The following ABCC2 variants were observed in gnomAD, a reference collection of about 807,000 sequenced individuals.
ABCC2 encodes the protein ATP binding cassette subfamily C member 2, also known as ATP-binding cassette sub-family C member 2.
A neutral mutation model predicts 173.4 loss-of-function variants in ABCC2; 157 were observed. The ratio of observed to expected loss-of-function variants is 0.91; its 90% CI spans 0.80 to 1.03. ABCC2 has a LOEUF of 1.03. Among genes scored for constraint, ABCC2 ranks in the 50% least tolerant of loss-of-function variants. The pLI, the probability that ABCC2 is intolerant of heterozygous loss-of-function variation, is 0.00. For missense variants in ABCC2, 1,822 were observed against 1,852.3 expected, an observed-to-expected ratio of 0.98 and a Z score of 0.30; for synonymous variants, 657 against 693.5, an observed-to-expected ratio of 0.95 and a Z score of 0.83.
At chr10:99,814,265 ATG>A (rs1564684147) in intron 16 of ABCC2, among the ~76,000 whole-genome samples, 818 of 30,072 alleles carry the variant, frequency 0.027, 46 homozygotes, top group Non-Finnish European at 0.036. Context: ...ATACACACGT[ATG>A]TATACACACG....
At chr10:99,839,430 T>C (rs1272961497) in intron 25 of ABCC2, among the ~76,000 whole-genome samples, 1 of 49,686 alleles carries the variant, frequency 2.0e-5, no homozygotes, top group African/African-American at 7.9e-5. Flanking sequence ...CCCCCCCACC[T>C]CCCTCCCGGA....
At chr10:99,834,319 A>G in intron 23 of ABCC2, 61 bp from the exon 24 acceptor site, 1 of 1,542,530 alleles carries the variant, frequency 6.5e-7, no homozygotes, top group Non-Finnish European at 8.9e-7. Context: ...AGAACTAGGA[A>G]GATGTAAACT....
In ABCC2 at chr10:99,797,305, A is replaced by C; in HGVS notation, c.841A>C (p.Ser281Arg). The change falls in exon 7 of 32, where the codon AGT (serine) becomes CGT (arginine). Residue 281 changes from serine to arginine, a missense_variant. By Grantham distance (110) the Ser-to-Arg change is moderately radical. Transcript: ENST00000647814. ...GCTGCCTGGCTTGAACAAGAATCAG[A>C]GTCAAAGCCAAGATGCCCTTGTCCT... ...ARLPGLNKNQSQSQDALVLED... is the reference protein window; with the variant it reads ...ARLPGLNKNQRQSQDALVLED... 6.2e-7 allele frequency: 1 copy of C among 1,613,540 alleles called. No homozygotes were observed. The highest frequency in any genetic ancestry group is 8.5e-7 in the Non-Finnish European group (1 of 1,179,806).
Position 99,813,295 on chromosome 10 carries a change from C to T in ABCC2, c.2094+151C>T, listed in dbSNP as rs2038249211. 3 of 1,135,886 alleles carry T rather than the reference C, an allele frequency of 2.6e-6. No homozygotes were observed. The African/African-American group carries it at 4.7e-5, about 18-fold the overall frequency. 70.4% of individuals were successfully genotyped at this position (1,135,886 alleles called of 1,614,324 possible). A position where few individuals can be genotyped will look rare whatever the true frequency, so the allele number is the denominator to read the frequency against. ...TGGACTGTGATTCTCCTTCCCATTT[C>T]AGCTTTATATAATCAGTTGCTGGGG... On this transcript the variant is annotated intron_variant, in intron 16 of 31. Coordinates refer to ENST00000647814, the MANE Select transcript of ABCC2 (RefSeq NM_000392.5).
At chr10:99,787,635 GT>G (rs1356142794) in intron 2 of ABCC2, among the ~76,000 whole-genome samples, 4 of 151,990 alleles carry the variant, frequency 2.6e-5, no homozygotes, top group African/African-American at 9.7e-5. Flanking sequence ...TAACGCAATT[GT>G]TTTTTTAATT....
At chr10:99,794,537 T>G in intron 6 of ABCC2, 69 bp downstream of exon 6, 1 of 1,444,756 alleles carries the variant, frequency 6.9e-7, no homozygotes, top group Non-Finnish European at 9.6e-7. Flanking sequence ...GTCAGAAAGA[T>G]TTTTTATTTT....
At chr10:99,834,974 G>T (rs910925487) in intron 24 of ABCC2, among the ~76,000 whole-genome samples, 1 of 152,250 alleles carries the variant, frequency 6.6e-6, no homozygotes, top group Non-Finnish European at 1.5e-5. Context: ...CAGCAGCTGG[G>T]TCTTTCTTTT....
chr10:99,840,822 A>T (rs1177274778), intron 25 of ABCC2, among the ~76,000 whole-genome samples: 2 of 147,658 alleles, frequency 1.4e-5, no homozygotes, highest in African/African-American at 5.0e-5. Context: ...GCCACCTGTG[A>T]GCTTTCTTTT....
rs146140498 is a variant in ABCC2 at position 99,830,752 on chromosome 10, A to G, written c.2784A>G (p.Arg928=). Residue 928 remains arginine, a synonymous_variant, in exon 21 of 32, where the codon AGA becomes AGG. Coordinates refer to ENST00000647814, the MANE Select transcript of ABCC2 (RefSeq NM_000392.5). ...ATGGCAGGCATCTGAAGTCCCTGAG[A>G]AACTCCTTGAAAACTCGGAATGTGA... ...RSNGRHLKSL[R]NSLKTRNVNS... The G allele has an allele frequency of 6.2e-7, 1 of 1,614,046 alleles. No individual in the cohort carries two copies. Among genetic ancestry groups the G allele is most frequent in the African/African-American group, 1.3e-5 (1 of 74,906 alleles).
In ABCC2 at chr10:99,843,904, AGGAGGAACT is replaced by A; in HGVS notation, c.3843+8_3843+16del. ...GTACACAAAAGTGGAAAATGAGGTAAGGAGGAACTGGAAAAATCCAGGAACAAGGCAAAA... is the reference window on the plus strand; with the variant it reads ...GTACACAAAAGTGGAAAATGAGGTAAGGAAAAATCCAGGAACAAGGCAAAA... On this transcript the variant is annotated splice_donor_5th_base_variant and intron_variant, in intron 27 of 31. Transcript: ENST00000647814. 1 of 1,611,378 alleles carries A rather than the reference AGGAGGAACT, an allele frequency of 6.2e-7. No homozygotes were observed. Among genetic ancestry groups the A allele is most frequent in the Non-Finnish European group, 8.5e-7 (1 of 1,177,414 alleles).
At chr10:99,794,545 TTTA>T (rs1407485636) in intron 6 of ABCC2, 77 bp downstream of exon 6, 5 of 1,411,000 alleles carry the variant, frequency 3.5e-6, no homozygotes, top group Admixed American at 3.6e-5. Context: ...GATTTTTTAT[TTTA>T]TTATTTTTTT....
intron 19 of ABCC2, among the ~76,000 whole-genome samples, chr10:99,828,142 G>A (rs1316723643): frequency 6.6e-6 from 1 of 151,064 alleles, no homozygotes; most frequent in African/African-American, 2.4e-5. Flanking sequence ...TGATTAGCCT[G>A]GATCTGAGTT....
chr10:99,843,908 G>A lies in ABCC2; in HGVS notation c.3843+8G>A. On this transcript the variant is annotated splice_region_variant and intron_variant, in intron 27 of 31. Transcript: ENST00000647814. ...ACAAAAGTGGAAAATGAGGTAAGGA[G>A]GAACTGGAAAAATCCAGGAACAAGG... is the stretch of plus-strand genomic sequence containing the variant. 11 of 1,609,832 alleles carry A rather than the reference G, an allele frequency of 6.8e-6. No individual in the cohort carries two copies. The highest frequency in any genetic ancestry group is 9.4e-6 in the Non-Finnish European group (11 of 1,176,060).
At chr10:99,790,774 TACTA>T (rs945525725) in intron 2 of ABCC2, among the ~76,000 whole-genome samples, 10 of 152,226 alleles carry the variant, frequency 6.6e-5, no homozygotes, top group African/African-American at 2.2e-4. Flanking sequence ...CTCTACTCCT[TACTA>T]AATAATAGCA....
Position 99,793,612 on chromosome 10 carries a change from T to C in ABCC2, c.395T>C (p.Leu132Pro), listed in dbSNP as rs768605704. 1 of 1,614,164 alleles carries C rather than the reference T, an allele frequency of 6.2e-7. No homozygotes were observed. Among genetic ancestry groups the C allele is most frequent in the Admixed American group, 1.7e-5 (1 of 60,024 alleles). ...QWCVQKNSWF[L>P]SLFWILSILC... is the part of the protein sequence containing the mutation. ...TGTGTACAGAAAAACTCCTGGTTCC[T>C]GTCCCTATTCTGGATTCTCTCGATA... Residue 132 changes from leucine to proline, a missense_variant, in exon 4 of 32, where the codon CTG (leucine) becomes CCG (proline). Transcript: ENST00000647814.
chr10:99,785,503 A>G (rs147595791), intron 2 of ABCC2, among the ~76,000 whole-genome samples: 126 of 151,100 alleles, frequency 8.3e-4, no homozygotes, highest in African/African-American at 2.8e-3. Context: ...TTTTTTTTCT[A>G]TCTCTCCTTA....
Position 99,832,015 on chromosome 10 carries a change from G to A in ABCC2, c.3142G>A (p.Gly1048Ser), listed in dbSNP as rs2038749309. The A allele has an allele frequency of 1.9e-6, 3 of 1,614,060 alleles. No individual in the cohort carries two copies. The South Asian group carries it at 3.3e-5, about 18-fold the overall frequency. The change falls in exon 23 of 32, where the codon GGT becomes AGT. Residue 1048 changes from glycine (G) to serine (S), a missense_variant. Physicochemically the swap from Gly to Ser is moderately conservative, Grantham distance 56. Coordinates refer to ENST00000647814, the MANE Select transcript of ABCC2 (RefSeq NM_000392.5). ...CATAGCACATTTCTGGAGTGCCTTT[G>A]GTTTCGTCCATGCATCAAATATCTT... The part of the protein sequence containing the change: ...VFIAHFWSAF[G>S]FVHASNILHK...
At position 99,832,293 on chromosome 10, in the gene ABCC2, C is replaced by T. The variant is rs555690168; in HGVS notation, c.3258+162C>T. 6.8e-4 allele frequency among the ~76,000 whole-genome samples: 104 copies of T among 152,260 alleles called. No individual in the cohort carries two copies. The Middle Eastern group carries it at 0.02, about 30-fold the overall frequency. On this transcript the variant is annotated intron_variant, in intron 23 of 31. Transcript: ENST00000647814. ...GTACCTGCTGTGAGCTCCCAAGAAT[C>T]CTGGAGATTGAGGGATGAACATCTC...
intron 16 of ABCC2, among the ~76,000 whole-genome samples, chr10:99,814,125 ATATGTGTG>A (rs1413907013): frequency 1.6e-5 from 2 of 124,472 alleles, no homozygotes; most frequent in South Asian, 2.7e-4. Flanking sequence ...ATATACACAC[ATATGTGTG>A]TATATATACA....
Sources: allele counts gnomAD v4.1 joint callset (sites outside exome capture counted in the v4.1 genomes callset), GRCh38; gene constraint gnomAD v4.1.1; transcripts MANE v1.5; gene names NCBI Gene and HGNC (gene_info 2026-07-23, HGNC 2026-07-21).